Variants in FER observed in about 807,000 individuals in gnomAD.
The protein encoded by FER is FER tyrosine kinase.
FER carries 63 observed loss-of-function variants against 111.0 expected under a neutral mutation model. The ratio of observed to expected loss-of-function variants is 0.57; its 90% CI spans 0.46 to 0.70. FER has a LOEUF of 0.70. Ranked by LOEUF, FER falls within the 30% of genes least tolerant of loss-of-function variation. FER has a pLI of 0.00. For missense variants in FER, 914 were observed against 954.0 expected (o/e 0.96, Z 0.55); for synonymous variants, 327 against 313.9 (o/e 1.04, Z -0.44).
intron 2 of FER, among the ~76,000 whole-genome samples, chr5:108,794,524 G>GCT (rs1415651696): frequency 7.4e-5 from 4 of 53,706 alleles, no homozygotes; most frequent in African/African-American, 1.6e-4. Context: ...TGCCCCCTCC[G>GCT]CACCCCCCCC....
chr5:108,809,289 A>T (rs918918731), intron 3 of FER, among the ~76,000 whole-genome samples: 15 of 152,130 alleles, frequency 9.9e-5, no homozygotes, highest in Admixed American at 9.2e-4. Flanking sequence ...TGTTTATTTT[A>T]AAAAATTCTT....
At chr5:108,763,104 A>T (rs1314958119) in intron 1 of FER, among the ~76,000 whole-genome samples, 2 of 152,214 alleles carry the variant, frequency 1.3e-5, no homozygotes, top group South Asian at 4.1e-4. Context: ...CTCATGGCAC[A>T]CAGATAGCAT....
chr5:109,047,915 T>C (rs879302575), intron 16 of FER, among the ~76,000 whole-genome samples: 7 of 152,200 alleles, frequency 4.6e-5, no homozygotes, highest in Non-Finnish European at 1.0e-4. Flanking sequence ...CAAAGAAAAC[T>C]TTGAAGTGCT....
rs933056008 is a variant in FER at position 109,019,356 on chromosome 5, T to C, written c.1657-18066T>C. Among the ~76,000 whole-genome samples the C allele has an allele frequency of 2.0e-5, 3 of 151,876 alleles. No homozygotes were observed. In the South Asian group the frequency reaches 6.2e-4, roughly 31 times the overall value. ...TATATCCTGCTCAAAACATTTTATA[T>C]AATAGATAGGTCCTTCCTAGTAACT... On this transcript the variant is annotated intron_variant, in intron 13 of 19. Coordinates refer to ENST00000281092, the MANE Select transcript of FER (RefSeq NM_005246.4).
intron 2 of FER, among the ~76,000 whole-genome samples, chr5:108,782,111 C>G (rs1459256624): frequency 6.6e-6 from 1 of 152,150 alleles, no homozygotes; most frequent in Non-Finnish European, 1.5e-5. Context: ...TGCACTGGTT[C>G]CTGCAGAGTT....
At position 109,013,165 on chromosome 5, in the gene FER, G is replaced by C. The variant is rs1043429271; in HGVS notation, c.1657-24257G>C. 4.0e-5 allele frequency among the ~76,000 whole-genome samples: 6 copies of C among 150,690 alleles called. 1 individual carries two copies. The highest frequency in any genetic ancestry group is 1.5e-4 in the African/African-American group (6 of 40,908). On this transcript the variant is annotated intron_variant, in intron 13 of 19. Coordinates refer to ENST00000281092, the MANE Select transcript of FER (RefSeq NM_005246.4). ...ACATATGTATACATGTGCCATGCTG[G>C]TGTGCTGAACCCAGTAACTCATCAT...
intron 3 of FER, among the ~76,000 whole-genome samples, chr5:108,814,192 T>C (rs113704482): frequency 5.5e-4 from 83 of 152,292 alleles, no homozygotes; most frequent in African/African-American, 1.5e-3. Context: ...ACTTTTTATC[T>C]AGAATACGAA....
rs546265398 is a variant in FER at position 109,189,677 on chromosome 5, A to T, written c.*2102A>T. Reference sequence around the variant, plus strand: ...CCCTTTTTTTTAGTATTTCTAAGTGAATCTCTGTAATATTCTTTGTCTGTT... The same window carrying T: ...CCCTTTTTTTTAGTATTTCTAAGTGTATCTCTGTAATATTCTTTGTCTGTT... On this transcript the variant is annotated 3_prime_UTR_variant, in exon 20 of 20. Transcript: ENST00000281092. The T allele has an allele frequency of 6.6e-6, 1 of 152,262 alleles. No homozygotes were observed. The allele number at this position is 152,262 out of a possible 1,614,324, so 9.4% of individuals were successfully genotyped here.
intron 13 of FER, among the ~76,000 whole-genome samples, chr5:109,013,348 C>A (rs184240938): frequency 4.3e-4 from 64 of 150,080 alleles, no homozygotes; most frequent in African/African-American, 1.4e-3. Context: ...TTTGTCCTTG[C>A]GATAGTTTAC....
At chr5:108,894,189 A>G (rs986690172) in intron 9 of FER, among the ~76,000 whole-genome samples, 1 of 152,024 alleles carries the variant, frequency 6.6e-6, no homozygotes, top group Non-Finnish European at 1.5e-5. Flanking sequence ...GCTGTTCTCT[A>G]TTATTCCTCT....
chr5:109,081,404 G>A (rs1776972379), intron 16 of FER, among the ~76,000 whole-genome samples: 3 of 151,788 alleles, frequency 2.0e-5, no homozygotes, highest in Admixed American at 2.0e-4. Context: ...AAGTGTAATC[G>A]GGAACCTCTT....
chr5:108,826,008 C>T lies in FER; in HGVS notation c.208-6762C>T, dbSNP rs118050452. 1.7e-4 allele frequency among the ~76,000 whole-genome samples: 26 copies of T among 151,986 alleles called. No homozygotes were observed. In the East Asian group the frequency reaches 4.8e-3, roughly 28 times the overall value. Reference sequence around the variant, plus strand: ...AGAGTGAGCATCCTTTTCTTTTTTCCGATTTTAGAGGAAAAGCTATCAGTT... The same window carrying T: ...AGAGTGAGCATCCTTTTCTTTTTTCTGATTTTAGAGGAAAAGCTATCAGTT... On this transcript the variant is annotated intron_variant, in intron 3 of 19. Transcript: ENST00000281092.
intron 5 of FER, among the ~76,000 whole-genome samples, chr5:108,854,205 A>G (rs1762786034): frequency 6.6e-6 from 1 of 152,196 alleles, no homozygotes; most frequent in South Asian, 2.1e-4. Flanking sequence ...TTTTCATTTA[A>G]AGACACCTAA....
chr5:108,923,814 A>G (rs1047586709), intron 10 of FER, among the ~76,000 whole-genome samples: 2 of 152,154 alleles, frequency 1.3e-5, no homozygotes, highest in African/African-American at 4.8e-5. Context: ...ATTTACACAT[A>G]ATTTATATTC....
intron 15 of FER, among the ~76,000 whole-genome samples, chr5:109,046,876 G>C (rs1772063310): frequency 6.6e-6 from 1 of 152,080 alleles, no homozygotes; most frequent in African/African-American, 2.4e-5. Context: ...ACTTTAACAT[G>C]CATAGATTTC....
At chr5:108,801,019 C>T (rs1756586403) in intron 3 of FER, among the ~76,000 whole-genome samples, 1 of 152,126 alleles carries the variant, frequency 6.6e-6, no homozygotes, top group South Asian at 2.1e-4. Flanking sequence ...TGCACTCCAG[C>T]CTGGGCGACA....
At position 108,882,771 on chromosome 5, in the gene FER, T is replaced by G. The variant is rs374693074; in HGVS notation, c.924-625T>G. 3.3e-5 allele frequency among the ~76,000 whole-genome samples: 5 copies of G among 152,064 alleles called. No homozygotes were observed. The South Asian group carries it at 8.3e-4, about 25-fold the overall frequency. On this transcript the variant is annotated intron_variant, in intron 8 of 19. Coordinates refer to ENST00000281092, the MANE Select transcript of FER (RefSeq NM_005246.4). ...GATATGATAGCCATGTATGTTTTTG[T>G]GGTAGAAATACTTCCGTTAAGGACT...
intron 17 of FER, among the ~76,000 whole-genome samples, chr5:109,137,749 G>A (rs557649236): frequency 6.6e-6 from 1 of 152,282 alleles, no homozygotes; most frequent in South Asian, 2.1e-4. Context: ...ATACCTTTTT[G>A]TAGTACCCCT....
chr5:109,060,791 C>G (rs1774312195), intron 16 of FER, among the ~76,000 whole-genome samples: 1 of 143,476 alleles, frequency 7.0e-6, no homozygotes, highest in Non-Finnish European at 1.6e-5. Context: ...TATATATACA[C>G]ACCAAACACA....
Sources: allele counts gnomAD v4.1 joint callset (sites outside exome capture counted in the v4.1 genomes callset), GRCh38; gene constraint gnomAD v4.1.1; transcripts MANE v1.5; gene names NCBI Gene and HGNC (gene_info 2026-07-23, HGNC 2026-07-21).